LRRC7: variants seen among roughly 807,000 people sequenced by gnomAD.
LRRC7 encodes leucine-rich repeat-containing protein 7.
LRRC7 carries 23 observed loss-of-function variants against 175.7 expected under a neutral mutation model. The ratio of observed to expected loss-of-function variants is 0.13; its 90% CI spans 0.09 to 0.19. The LOEUF (loss-of-function observed/expected upper bound fraction) is 0.19, where lower values mean the gene tolerates loss of function less well. Ranked by LOEUF, LRRC7 falls within the 10% of genes least tolerant of loss-of-function variation. LRRC7 has a pLI of 1.00. For synonymous variants in LRRC7, 685 were observed against 680.9 expected, an observed-to-expected ratio of 1.01 and a Z score of -0.09; for missense variants, 1,354 against 1,904.7, an observed-to-expected ratio of 0.71 and a Z score of 5.38.
chr1:69,956,941 A>C (rs1203680656), intron 8 of LRRC7, among the ~76,000 whole-genome samples: 1 of 151,750 alleles, frequency 6.6e-6, no homozygotes, highest in Non-Finnish European at 1.5e-5. Context: ...GAAGTCAAGT[A>C]GGATAAGTAT....
At chr1:69,963,055 A>G (rs924690120) in intron 8 of LRRC7, among the ~76,000 whole-genome samples, 6 of 152,104 alleles carry the variant, frequency 3.9e-5, no homozygotes, top group Admixed American at 3.9e-4. Context: ...CTGTAATCCC[A>G]GCACTTCGGG....
At chr1:69,916,707 GC>G (rs1467525737) in intron 7 of LRRC7, among the ~76,000 whole-genome samples, 1 of 152,002 alleles carries the variant, frequency 6.6e-6, no homozygotes, top group Admixed American at 6.6e-5. Context: ...ATTCATTCAT[GC>G]CTGTGTAAAT....
intron 17 of LRRC7, among the ~76,000 whole-genome samples, chr1:70,026,026 G>A (rs945373738): frequency 6.6e-6 from 1 of 152,028 alleles, no homozygotes; most frequent in Non-Finnish European, 1.5e-5. Context: ...ACATGTGCTT[G>A]CTTATAAAAT....
intron 26 of LRRC7, among the ~76,000 whole-genome samples, chr1:70,111,724 G>A (rs996892037): frequency 2.6e-5 from 4 of 152,102 alleles, no homozygotes; most frequent in African/African-American, 9.7e-5. Context: ...GTACCTGATA[G>A]TTAACAACAG....
At chr1:69,828,406 C>T (rs1680167473) in intron 5 of LRRC7, among the ~76,000 whole-genome samples, 2 of 152,130 alleles carry the variant, frequency 1.3e-5, no homozygotes, top group African/African-American at 4.8e-5. Context: ...GTTCAGAGTT[C>T]AGTTGTTCTT....
At chr1:69,716,308 A>T (rs1330997666) in intron 2 of LRRC7, 2 of 410,226 alleles carry the variant, frequency 4.9e-6, no homozygotes, top group Non-Finnish European at 9.0e-6. Flanking sequence ...ATAGTCTTGT[A>T]ATTTTAAATT....
chr1:69,752,791 C>T (rs1405562611), intron 2 of LRRC7, among the ~76,000 whole-genome samples: 1 of 152,122 alleles, frequency 6.6e-6, no homozygotes, highest in Non-Finnish European at 1.5e-5. Flanking sequence ...AGAAGGGAAT[C>T]CATGCAGCAT....
chr1:70,107,143 G>A (rs969313891), intron 25 of LRRC7, among the ~76,000 whole-genome samples: 109 of 152,200 alleles, frequency 7.2e-4, no homozygotes, highest in African/African-American at 2.6e-3. Flanking sequence ...CTTATAAACT[G>A]CATTAATCAA....
At chr1:69,784,339 T>C (rs1449032896) in intron 3 of LRRC7, among the ~76,000 whole-genome samples, 1 of 152,180 alleles carries the variant, frequency 6.6e-6, no homozygotes, top group Non-Finnish European at 1.5e-5. Context: ...TAGGTGAACT[T>C]TCTTCAACTG....
intron 21 of LRRC7, among the ~76,000 whole-genome samples, chr1:70,041,836 C>T (rs1282294914): frequency 2.0e-5 from 3 of 152,204 alleles, no homozygotes; most frequent in East Asian, 1.9e-4. Flanking sequence ...TGGGCGACTC[C>T]TCTAGATGAA....
intron 1 of LRRC7, among the ~76,000 whole-genome samples, chr1:69,627,014 A>C (rs1226259700): frequency 6.6e-6 from 1 of 152,078 alleles, no homozygotes; most frequent in African/African-American, 2.4e-5. Flanking sequence ...TGCTATTGTG[A>C]ATAGTGCCAC....
chr1:69,744,767 A>C (rs1669077858), intron 2 of LRRC7, among the ~76,000 whole-genome samples: 1 of 151,914 alleles, frequency 6.6e-6, no homozygotes, highest in Non-Finnish European at 1.5e-5. Flanking sequence ...TTTCCATTTG[A>C]AAAGATTTTG....
intron 2 of LRRC7, among the ~76,000 whole-genome samples, chr1:69,717,838 G>A (rs111730050): frequency 2.1e-3 from 61 of 29,146 alleles, no homozygotes; most frequent in East Asian, 0.018. Flanking sequence ...AAGAAAGAAA[G>A]AAAAAAGAAA....
chr1:69,941,444 T>C (rs1248401515), intron 8 of LRRC7, among the ~76,000 whole-genome samples: 2 of 152,050 alleles, frequency 1.3e-5, no homozygotes, highest in East Asian at 1.9e-4. Flanking sequence ...GTTAGAAAGT[T>C]ATTGCAGTAA....
chr1:69,682,814 A>G (rs1018808635), intron 2 of LRRC7, among the ~76,000 whole-genome samples: 76 of 152,026 alleles, frequency 5.0e-4, no homozygotes, highest in Non-Finnish European at 6.8e-4. Flanking sequence ...TACTTTCCTG[A>G]TTTTTCTATA....
chr1:69,830,935 C>A (rs1228897584), intron 5 of LRRC7, among the ~76,000 whole-genome samples: 1 of 151,786 alleles, frequency 6.6e-6, no homozygotes, highest in Non-Finnish European at 1.5e-5. Flanking sequence ...AAAATGTGGT[C>A]AATTCTTAAA....
chr1:69,783,166 A>G (rs541769479), intron 3 of LRRC7, among the ~76,000 whole-genome samples: 1 of 152,116 alleles, frequency 6.6e-6, no homozygotes, highest in South Asian at 2.1e-4. Context: ...TGCACCTTCC[A>G]ATCTTCCCTA....
intron 2 of LRRC7, among the ~76,000 whole-genome samples, chr1:69,746,427 C>A (rs769190897): frequency 1.8e-4 from 28 of 151,906 alleles, no homozygotes; most frequent in African/African-American, 6.8e-4. Flanking sequence ...TGGTTTTGTT[C>A]TCTCTGTGGA....
chr1:69,998,239 A>G (rs150617891), intron 11 of LRRC7, among the ~76,000 whole-genome samples: 2 of 152,254 alleles, frequency 1.3e-5, no homozygotes, highest in East Asian at 1.9e-4. Context: ...CACCACTGCA[A>G]TGAAGACAGC....
Sources: gnomAD v4.1 joint callset for allele counts (sites outside exome capture counted in the v4.1 genomes callset) on GRCh38, gnomAD v4.1.1 for gene constraint, MANE v1.5 for transcripts, NCBI Gene and HGNC (gene_info 2026-07-23, HGNC 2026-07-21) for gene names.